Variants in BICC1 observed in about 807,000 individuals in gnomAD.
BICC1 encodes the protein BicC family RNA binding protein 1, also known as protein bicaudal C homolog 1.
A neutral mutation model predicts 111.0 loss-of-function variants in BICC1; 43 were observed. The observed-to-expected ratio is 0.39, with a 90% CI of 0.30 to 0.50. The LOEUF is 0.50. BICC1 is among the 20% of genes least tolerant of loss of function. The pLI is 0.88. For missense variants in BICC1, 1,091 were observed against 1,203.2 expected (o/e 0.91, Z 1.38); for synonymous variants, 467 against 434.4 (o/e 1.07, Z -0.93).
chr10:58,706,111 T>C (rs183270604), intron 3 of BICC1, among the ~76,000 whole-genome samples: 103 of 152,296 alleles, frequency 6.8e-4, no homozygotes, highest in Non-Finnish European at 1.3e-3. Context: ...CTCCTTTACA[T>C]TGAAAAATTT....
chr10:58,579,896 C>T (rs982752763), intron 1 of BICC1, among the ~76,000 whole-genome samples: 4 of 150,384 alleles, frequency 2.7e-5, no homozygotes, highest in African/African-American at 4.9e-5. Context: ...AGAATATATA[C>T]TCTAGCTTAC....
Position 58,789,366 on chromosome 10 carries a change from C to T in BICC1, c.705C>T (p.Tyr235=). ...CTATTCAGCATATATCACAAACGTACAATATTTCAGTATCATTTAAACAGC... is the reference window on the plus strand; with the variant it reads ...CTATTCAGCATATATCACAAACGTATAATATTTCAGTATCATTTAAACAGC... ...SPSIQHISQT[Y]NISVSFKQRS... is the part of the protein sequence containing the mutation. The change falls in exon 7 of 21, where the codon TAC becomes TAT. Residue 235 remains tyrosine, a synonymous_variant. Transcript: ENST00000373886. 6.2e-7 allele frequency: 1 copy of T among 1,614,022 alleles called. No individual in the cohort carries two copies. Among genetic ancestry groups the T allele is most frequent in the Non-Finnish European group, 8.5e-7 (1 of 1,179,944 alleles).
chr10:58,631,886 A>G (rs1454752832), intron 2 of BICC1, among the ~76,000 whole-genome samples: 1 of 152,172 alleles, frequency 6.6e-6, no homozygotes, highest in Non-Finnish European at 1.5e-5. Flanking sequence ...TCTTAAATAG[A>G]ACTTCTTCCT....
At chr10:58,669,026 C>T (rs1048125126) in intron 2 of BICC1, among the ~76,000 whole-genome samples, 7 of 151,966 alleles carry the variant, frequency 4.6e-5, no homozygotes, top group Non-Finnish European at 8.8e-5. Context: ...GTAAGAGAAA[C>T]TAATATCTAA....
intron 3 of BICC1, among the ~76,000 whole-genome samples, chr10:58,723,426 C>G (rs916416569): frequency 6.6e-6 from 1 of 152,128 alleles, no homozygotes; most frequent in Non-Finnish European, 1.5e-5. Flanking sequence ...AACTGAATAT[C>G]CAGCTGAGGC....
intron 10 of BICC1, 63 bp downstream of exon 10, chr10:58,796,589 C>A: frequency 6.7e-7 from 1 of 1,482,198 alleles, no homozygotes; most frequent in Non-Finnish European, 9.1e-7. Context: ...GGTTCCCTTT[C>A]TTTCTACCAT....
intron 1 of BICC1, among the ~76,000 whole-genome samples, chr10:58,532,375 A>G (rs1842704420): frequency 6.6e-6 from 1 of 151,824 alleles, no homozygotes; most frequent in African/African-American, 2.4e-5. Flanking sequence ...TGGGTAAGAC[A>G]TCAATTTGAA....
intron 1 of BICC1, among the ~76,000 whole-genome samples, chr10:58,573,540 G>C (rs930378199): frequency 6.6e-6 from 1 of 152,188 alleles, no homozygotes; most frequent in South Asian, 2.1e-4. Flanking sequence ...AGCATGAAGA[G>C]TGTAATAGAT....
intron 1 of BICC1, among the ~76,000 whole-genome samples, chr10:58,528,760 A>T (rs942160192): frequency 2.0e-5 from 3 of 151,966 alleles, no homozygotes; most frequent in Admixed American, 6.6e-5. Flanking sequence ...GCCCCTTAAA[A>T]TCTCTTTCAG....
intron 2 of BICC1, among the ~76,000 whole-genome samples, chr10:58,693,231 G>A (rs1345826870): frequency 2.0e-5 from 3 of 152,144 alleles, no homozygotes; most frequent in Non-Finnish European, 4.4e-5. Flanking sequence ...TGGTGTATAT[G>A]TGCCACATTT....
chr10:58,536,780 TAAAC>T (rs1004465771), intron 1 of BICC1, among the ~76,000 whole-genome samples: 1 of 151,568 alleles, frequency 6.6e-6, no homozygotes, highest in Non-Finnish European at 1.5e-5. Context: ...TTTGGAAAGA[TAAAC>T]AAAACTGATA....
intron 1 of BICC1, among the ~76,000 whole-genome samples, chr10:58,534,402 C>G (rs1018231847): frequency 7.9e-5 from 12 of 151,686 alleles, no homozygotes; most frequent in African/African-American, 2.9e-4. Flanking sequence ...AACACTGAAC[C>G]TGCTCAACAC....
intron 2 of BICC1, among the ~76,000 whole-genome samples, chr10:58,676,166 G>A (rs1048130013): frequency 2.6e-5 from 4 of 152,172 alleles, no homozygotes; most frequent in African/African-American, 9.7e-5. Flanking sequence ...ACACCACCAG[G>A]GCCCTGGGTT....
chr10:58,621,266 G>A (rs942280673), intron 2 of BICC1, among the ~76,000 whole-genome samples: 64 of 152,172 alleles, frequency 4.2e-4, no homozygotes, highest in Non-Finnish European at 2.4e-4. Flanking sequence ...TGAATATGGT[G>A]GGGGAGCTTT....
chr10:58,722,918 C>T (rs1840985471), intron 3 of BICC1, among the ~76,000 whole-genome samples: 1 of 152,138 alleles, frequency 6.6e-6, no homozygotes, highest in South Asian at 2.1e-4. Context: ...CGACCCCTTG[C>T]AGGGGTAGAT....
At chr10:58,789,490 T>C (rs1274603425) in intron 7 of BICC1, 34 bp downstream of exon 7, 2 of 1,563,096 alleles carry the variant, frequency 1.3e-6, no homozygotes, top group Non-Finnish European at 1.7e-6. Context: ...ACATCCTATA[T>C]GTACAAGTTA....
Position 58,674,514 on chromosome 10 carries a change from G to A in BICC1, c.238-27560G>A, listed in dbSNP as rs559860598. ...CACTTCTGCCCATTCATTCCTCACT[G>A]TTCTTTCTCTGGCTTTTCTAGACAT... On this transcript the variant is annotated intron_variant, in intron 2 of 20. Transcript: ENST00000373886. 2.0e-5 allele frequency among the ~76,000 whole-genome samples: 3 copies of A among 152,248 alleles called. No homozygotes were observed. In the South Asian group the frequency reaches 6.2e-4, roughly 32 times the overall value.
intron 3 of BICC1, among the ~76,000 whole-genome samples, chr10:58,704,276 G>C (rs1341498909): frequency 6.6e-6 from 1 of 152,144 alleles, no homozygotes; most frequent in East Asian, 1.9e-4. Context: ...TTTATGAAGT[G>C]TTATGGATGT....
chr10:58,660,390 A>G (rs190645101), intron 2 of BICC1, among the ~76,000 whole-genome samples: 2 of 150,716 alleles, frequency 1.3e-5, no homozygotes, highest in East Asian at 2.0e-4. Context: ...ACCTCTCCTC[A>G]GGAATAATGA....
Sources: gnomAD v4.1 joint callset for allele counts (sites outside exome capture counted in the v4.1 genomes callset) on GRCh38, gnomAD v4.1.1 for gene constraint, MANE v1.5 for transcripts, NCBI Gene and HGNC (gene_info 2026-07-23, HGNC 2026-07-21) for gene names.